FRAS1: variants seen among roughly 807,000 people sequenced by gnomAD.
FRAS1 encodes Fraser extracellular matrix complex subunit 1.
A neutral mutation model predicts 435.2 loss-of-function variants in FRAS1; 290 were observed. The ratio of observed to expected loss-of-function variants is 0.67; its 90% CI spans 0.61 to 0.73. The LOEUF (loss-of-function observed/expected upper bound fraction) is 0.73, where lower values mean the gene tolerates loss of function less well. Ranked by LOEUF, FRAS1 falls within the 30% of genes least tolerant of loss-of-function variation. The pLI, the probability that FRAS1 is intolerant of heterozygous loss-of-function variation, is 0.00. For synonymous variants in FRAS1, 1,800 were observed against 1,851.0 expected, an observed-to-expected ratio of 0.97 and a Z score of 0.71; for missense variants, 4,860 against 5,001.5, an observed-to-expected ratio of 0.97 and a Z score of 0.85.
Position 78,265,242 on chromosome 4 carries a change from G to C in FRAS1, c.687+134G>C. The stretch of plus-strand genomic sequence containing the variant: ...GGAATAGTAACTCAGTACATAAACA[G>C]CTTTTCTCTTCTCTTCACAGAAAAC... On this transcript the variant is annotated intron_variant, in intron 7 of 73. Coordinates refer to ENST00000512123, the MANE Select transcript of FRAS1 (RefSeq NM_025074.7). The C allele has an allele frequency of 5.4e-6, 3 of 554,042 alleles. No individual in the cohort carries two copies. In the South Asian group the frequency reaches 8.8e-5, roughly 16 times the overall value. 34.3% of individuals were successfully genotyped at this position (554,042 alleles called of 1,614,324 possible).
chr4:78,080,060 T>A (rs1740826427), intron 2 of FRAS1, among the ~76,000 whole-genome samples: 1 of 152,096 alleles, frequency 6.6e-6, no homozygotes, highest in East Asian at 1.9e-4. Context: ...TAACTCCCCT[T>A]TGGCCCCAAA....
intron 2 of FRAS1, among the ~76,000 whole-genome samples, chr4:78,157,644 G>T (rs1172231011): frequency 6.6e-6 from 1 of 152,072 alleles, no homozygotes; most frequent in Non-Finnish European, 1.5e-5. Flanking sequence ...CATGTCATTT[G>T]CCCACTTTTT....
chr4:78,508,715 T>G lies in FRAS1; in HGVS notation c.9505-16T>G. 6 of 1,613,424 alleles carry G rather than the reference T, an allele frequency of 3.7e-6. No homozygotes were observed. Among genetic ancestry groups the G allele is most frequent in the Non-Finnish European group, 5.1e-6 (6 of 1,179,650 alleles). On this transcript the variant is annotated splice_polypyrimidine_tract_variant and intron_variant, in intron 62 of 73. Transcript: ENST00000512123. Reference sequence around the variant, plus strand: ...CAATACCCAACCTGAACTGAAGCTTTGTTGCTCTTTCGCAGGTGGTCACAC... The same window carrying G: ...CAATACCCAACCTGAACTGAAGCTTGGTTGCTCTTTCGCAGGTGGTCACAC...
chr4:78,292,956 C>G (rs1727967120), intron 14 of FRAS1, among the ~76,000 whole-genome samples: 1 of 152,198 alleles, frequency 6.6e-6, no homozygotes, highest in Admixed American at 6.5e-5. Context: ...CTGACTGTCT[C>G]ATAAAGGTGA....
At chr4:78,369,474 A>C (rs565261339) in intron 22 of FRAS1, among the ~76,000 whole-genome samples, 142 of 152,316 alleles carry the variant, frequency 9.3e-4, no homozygotes, top group Admixed American at 1.6e-3. Context: ...AAAAACCTGA[A>C]TCTACATTAT....
At chr4:78,267,579 T>A (rs988935729) in intron 9 of FRAS1, 147 bp downstream of exon 9, 4 of 723,568 alleles carry the variant, frequency 5.5e-6, no homozygotes, top group Non-Finnish European at 4.6e-6. Context: ...GTGTAAAGCT[T>A]CCGTGGTATA....
chr4:78,298,728 C>T (rs1728260987), intron 14 of FRAS1, among the ~76,000 whole-genome samples: 1 of 152,174 alleles, frequency 6.6e-6, no homozygotes, highest in Non-Finnish European at 1.5e-5. Flanking sequence ...AGGATGAATT[C>T]CCCATAACCC....
chr4:78,339,522 G>C (rs766548038), intron 20 of FRAS1, among the ~76,000 whole-genome samples: 7 of 151,534 alleles, frequency 4.6e-5, no homozygotes, highest in Non-Finnish European at 1.0e-4. Context: ...GGCATTATGC[G>C]GGGGGGTGGA....
chr4:78,470,429 C>G (rs1719665788), intron 51 of FRAS1, among the ~76,000 whole-genome samples: 1 of 152,136 alleles, frequency 6.6e-6, no homozygotes, highest in African/African-American at 2.4e-5. Context: ...TGGATTCCCT[C>G]CACCTTATTG....
intron 15 of FRAS1, among the ~76,000 whole-genome samples, chr4:78,310,784 A>T (rs947758837): frequency 1.3e-5 from 2 of 152,244 alleles, no homozygotes; most frequent in African/African-American, 4.8e-5. Flanking sequence ...AAGACGTCAG[A>T]TGCTGATAAT....
intron 44 of FRAS1, among the ~76,000 whole-genome samples, 189 bp downstream of exon 44, chr4:78,448,505 A>G (rs1274883785): frequency 1.3e-5 from 2 of 152,208 alleles, no homozygotes; most frequent in Non-Finnish European, 2.9e-5. Context: ...GACAAATGTG[A>G]ACCTCTAAAA....
At chr4:78,140,177 T>G (rs1225127782) in intron 2 of FRAS1, among the ~76,000 whole-genome samples, 1 of 152,194 alleles carries the variant, frequency 6.6e-6, no homozygotes, top group African/African-American at 2.4e-5. Context: ...GTAAACATTT[T>G]AGTATGTATA....
rs1313632746 is a variant in FRAS1 at position 78,508,801 on chromosome 4, C to T, written c.9575C>T (p.Pro3192Leu). ...GAAGGAGTCAAGAAATCCCCCTCCC[C>T]AGGCTACCCACTGGTCTGTGTCACC... ...TKEGVKKSPS[P>L]GYPLVCVTPC... is the part of the protein sequence containing the mutation. Residue 3192 changes from proline (P) to leucine (L), a missense_variant, in exon 63 of 74, where the codon CCA becomes CTA. Coordinates refer to ENST00000512123, the MANE Select transcript of FRAS1 (RefSeq NM_025074.7). 1.1e-5 allele frequency: 18 copies of T among 1,613,572 alleles called. No homozygotes were observed. The highest frequency in any genetic ancestry group is 2.2e-5 in the South Asian group (2 of 91,022).
chr4:78,156,371 T>C (rs1720884603), intron 2 of FRAS1, among the ~76,000 whole-genome samples: 1 of 151,974 alleles, frequency 6.6e-6, no homozygotes, highest in Non-Finnish European at 1.5e-5. Context: ...GGATCTATAG[T>C]GGTGGCTTAA....
At chr4:78,433,850 T>A (rs1734309652) in intron 38 of FRAS1, among the ~76,000 whole-genome samples, 1 of 152,196 alleles carries the variant, frequency 6.6e-6, no homozygotes, top group South Asian at 2.1e-4. Flanking sequence ...TCCTGCCCAT[T>A]AACTGCATAT....
At position 78,498,184 on chromosome 4, in the gene FRAS1, G is replaced by A. The variant is rs971526488; in HGVS notation, c.9115+1223G>A. On this transcript the variant is annotated intron_variant, in intron 60 of 73. Transcript: ENST00000512123. ...CATGTGGCTTGTAACAAACTTGCAC[G>A]TTCTGCACATGTATCCCAGAACTTA... Among the ~76,000 whole-genome samples, 5 of 152,140 alleles carry A rather than the reference G, an allele frequency of 3.3e-5. No individual in the cohort carries two copies. In the South Asian group the frequency reaches 6.2e-4, roughly 19 times the overall value.
intron 29 of FRAS1, among the ~76,000 whole-genome samples, chr4:78,396,860 A>G (rs573333702): frequency 6.6e-6 from 1 of 152,028 alleles, no homozygotes; most frequent in East Asian, 1.9e-4. Context: ...CTGGAATTTG[A>G]GTTGTTCTTT....
intron 2 of FRAS1, among the ~76,000 whole-genome samples, chr4:78,234,381 G>A (rs1158228536): frequency 1.3e-5 from 2 of 151,968 alleles, no homozygotes; most frequent in African/African-American, 2.4e-5. Context: ...ACCCGCCACT[G>A]CGCCCGGCTA....
chr4:78,445,162 T>G (rs976157882), intron 41 of FRAS1, among the ~76,000 whole-genome samples: 1 of 152,248 alleles, frequency 6.6e-6, no homozygotes, highest in African/African-American at 2.4e-5. Context: ...AGGTAGAATC[T>G]CTGCTTCTGT....
Sources: allele counts gnomAD v4.1 joint callset (sites outside exome capture counted in the v4.1 genomes callset), GRCh38; gene constraint gnomAD v4.1.1; transcripts MANE v1.5; gene names NCBI Gene and HGNC (gene_info 2026-07-23, HGNC 2026-07-21).